The following RFTN2 variants were observed in gnomAD, a reference collection of about 807,000 sequenced individuals.
RFTN2 encodes the protein raftlin family member 2.
Under a neutral mutation model 52.7 loss-of-function variants are expected in RFTN2, and 34 were observed. The observed-to-expected ratio is 0.64, with a 90% CI of 0.49 to 0.86. The LOEUF (loss-of-function observed/expected upper bound fraction) is 0.86, where lower values mean the gene tolerates loss of function less well. Ranked by LOEUF, RFTN2 falls within the 40% of genes least tolerant of loss-of-function variation. RFTN2 has a pLI of 0.00. For synonymous variants in RFTN2, 203 were observed against 217.7 expected (o/e 0.93, Z 0.59); for missense variants, 536 against 600.1 (o/e 0.89, Z 1.12).
intron 7 of RFTN2, among the ~76,000 whole-genome samples, 176 bp downstream of exon 7, chr2:197,615,700 C>T (rs2088130335): frequency 6.6e-6 from 1 of 152,170 alleles, no homozygotes. Flanking sequence ...ACAGCTTATA[C>T]ATCTATAATG....
chr2:197,639,102 G>C lies in RFTN2; in HGVS notation c.438+5056C>G, dbSNP rs1483810303. On this transcript the variant is annotated intron_variant, in intron 3 of 8. Transcript: ENST00000295049. ...TTCTGGCTTGTAGGGTTTCTGCCGA[G>C]AGATCCGCTGTTAGTCTGATGGGCT... Among the ~76,000 whole-genome samples the C allele has an allele frequency of 2.8e-5, 4 of 143,200 alleles. No homozygotes were observed. The East Asian group carries it at 8.2e-4, about 29-fold the overall frequency. 93.9% of individuals were successfully genotyped at this position (143,200 alleles called of 152,430 possible).
At position 197,590,970 on chromosome 2, in the gene RFTN2, G is replaced by C. The variant is rs184274936; in HGVS notation, c.1233+5021C>G. 3.7e-3 allele frequency among the ~76,000 whole-genome samples: 567 copies of C among 152,308 alleles called. 5 individuals are homozygous for C. Among genetic ancestry groups the C allele is most frequent in the African/African-American group, 0.011 (473 of 41,546 alleles). ...GCCCAGCAGGTTGCCACTGCTGGCT[G>C]AGGCAGCCTGCTTTTATTCTCTTAT... On this transcript the variant is annotated intron_variant, in intron 8 of 8. Coordinates refer to ENST00000295049, the MANE Select transcript of RFTN2 (RefSeq NM_144629.3).
In RFTN2 at chr2:197,633,705, T is replaced by A; in HGVS notation, c.718+13A>T. The A allele has an allele frequency of 6.2e-7, 1 of 1,608,340 alleles. No homozygotes were observed. The highest frequency in any genetic ancestry group is 8.5e-7 in the Non-Finnish European group (1 of 1,176,028). On this transcript the variant is annotated intron_variant, in intron 4 of 8. Coordinates refer to ENST00000295049, the MANE Select transcript of RFTN2 (RefSeq NM_144629.3). ...CTATAGTATATTCTCTTTCTACTAA[T>A]CTTGTCTATTACCTTCTCCCTTTCT...
chr2:197,626,598 A>T (rs992923732), intron 5 of RFTN2, among the ~76,000 whole-genome samples: 12 of 109,822 alleles, frequency 1.1e-4, no homozygotes, highest in African/African-American at 4.5e-4. Flanking sequence ...AAGTTAAAAT[A>T]AAAAAAAGGA....
chr2:197,602,652 C>T (rs2087897575), intron 7 of RFTN2, among the ~76,000 whole-genome samples: 1 of 152,016 alleles, frequency 6.6e-6, no homozygotes. Flanking sequence ...GATCCTCCTG[C>T]CTTAGCCTCC....
At chr2:197,601,582 A>ACT (rs1430529187) in intron 7 of RFTN2, among the ~76,000 whole-genome samples, 2 of 152,128 alleles carry the variant, frequency 1.3e-5, no homozygotes, top group Admixed American at 1.3e-4. Flanking sequence ...ATGTAGAGTG[A>ACT]CTACATTTGC....
intron 5 of RFTN2, among the ~76,000 whole-genome samples, chr2:197,625,998 A>T (rs894871166): frequency 2.6e-5 from 4 of 152,074 alleles, no homozygotes; most frequent in Non-Finnish European, 4.4e-5. Context: ...CGTGTTGGCC[A>T]GGCTAGTCTT....
At chr2:197,668,646 T>C (rs917081622) in intron 1 of RFTN2, among the ~76,000 whole-genome samples, 1 of 152,160 alleles carries the variant, frequency 6.6e-6, no homozygotes, top group Non-Finnish European at 1.5e-5. Context: ...GCCTCAGTCA[T>C]AGGGCAACAG....
chr2:197,605,750 G>T (rs1007136920), intron 7 of RFTN2, among the ~76,000 whole-genome samples: 1 of 152,110 alleles, frequency 6.6e-6, no homozygotes, highest in Non-Finnish European at 1.5e-5. Context: ...TTATTGCAGC[G>T]TTCCAGGCAG....
intron 1 of RFTN2, among the ~76,000 whole-genome samples, chr2:197,671,744 C>T (rs1193316527): frequency 6.6e-6 from 1 of 152,170 alleles, no homozygotes; most frequent in Non-Finnish European, 1.5e-5. Context: ...AGCAAAATTT[C>T]ACTCACATTT....
At chr2:197,584,417 G>A (rs1486160918) in intron 8 of RFTN2, among the ~76,000 whole-genome samples, 2 of 152,116 alleles carry the variant, frequency 1.3e-5, no homozygotes, top group East Asian at 3.8e-4. Flanking sequence ...GTCTTCTTTT[G>A]AGAAGTGTCT....
intron 7 of RFTN2, among the ~76,000 whole-genome samples, chr2:197,611,719 GATC>G (rs1559348649): frequency 1.3e-5 from 2 of 152,128 alleles, no homozygotes; most frequent in African/African-American, 4.8e-5. Context: ...GCCAATTTTA[GATC>G]ATTCCTGCTT....
intron 1 of RFTN2, among the ~76,000 whole-genome samples, chr2:197,670,036 C>T (rs1426643659): frequency 6.6e-6 from 1 of 152,156 alleles, no homozygotes; most frequent in Admixed American, 6.5e-5. Flanking sequence ...TCTGTCTTCA[C>T]TCAATATTAT....
chr2:197,659,165 C>T (rs1373792747), intron 1 of RFTN2, among the ~76,000 whole-genome samples: 1 of 152,090 alleles, frequency 6.6e-6, no homozygotes, highest in Non-Finnish European at 1.5e-5. Flanking sequence ...GTTCTTTCCA[C>T]CAATTTACCT....
chr2:197,570,683 CT>C lies in RFTN2; in HGVS notation c.*1324del, dbSNP rs1267674723. The C allele has an allele frequency of 6.6e-6, 1 of 152,134 alleles. No homozygotes were observed. Among genetic ancestry groups the C allele is most frequent in the Non-Finnish European group, 1.5e-5 (1 of 68,020 alleles). The allele number at this position is 152,134 out of a possible 1,614,324, so 9.4% of individuals were successfully genotyped here. On this transcript the variant is annotated 3_prime_UTR_variant, in exon 9 of 9. Coordinates refer to ENST00000295049, the MANE Select transcript of RFTN2 (RefSeq NM_144629.3). ...AGGTGGAGGTTGCAGTGAGCTGCGACTGTGCCACTGCATTCCAGCCTGGGTG... is the reference window on the plus strand; with the variant it reads ...AGGTGGAGGTTGCAGTGAGCTGCGACGTGCCACTGCATTCCAGCCTGGGTG...
At chr2:197,589,567 A>ATT (rs2087663391) in intron 8 of RFTN2, among the ~76,000 whole-genome samples, 1 of 152,164 alleles carries the variant, frequency 6.6e-6, no homozygotes, top group African/African-American at 2.4e-5. Context: ...TAACAGGTGT[A>ATT]TGATATCTCA....
intron 8 of RFTN2, among the ~76,000 whole-genome samples, chr2:197,584,719 C>T (rs943064215): frequency 3.3e-5 from 5 of 152,136 alleles, no homozygotes; most frequent in East Asian, 1.9e-4. Context: ...AGAATCAGAA[C>T]GTGTCCTCGA....
At chr2:197,576,396 A>G (rs1208939648) in intron 8 of RFTN2, among the ~76,000 whole-genome samples, 2 of 152,240 alleles carry the variant, frequency 1.3e-5, no homozygotes, top group Non-Finnish European at 2.9e-5. Context: ...TCCTAGGCAC[A>G]TAAAATTGAA....
chr2:197,619,673 T>A (rs1214590363), intron 5 of RFTN2, among the ~76,000 whole-genome samples: 2 of 147,420 alleles, frequency 1.4e-5, no homozygotes, highest in East Asian at 3.9e-4. Flanking sequence ...CTGCTGACCT[T>A]CCCTCCACTA....
Sources: allele counts gnomAD v4.1 joint callset (sites outside exome capture counted in the v4.1 genomes callset), GRCh38; gene constraint gnomAD v4.1.1; transcripts MANE v1.5; gene names NCBI Gene and HGNC (gene_info 2026-07-23, HGNC 2026-07-21).